Variants in CDH18 observed in about 807,000 individuals in gnomAD.
The protein encoded by CDH18 is cadherin 18, also known as cadherin-18.
Under a neutral mutation model 67.9 loss-of-function variants are expected in CDH18, and 31 were observed. The ratio of observed to expected loss-of-function variants is 0.46; its 90% CI spans 0.34 to 0.62. The LOEUF (loss-of-function observed/expected upper bound fraction) is 0.62. CDH18 is among the 20% of genes least tolerant of loss of function. CDH18 has a pLI of 0.01. For missense variants in CDH18, 890 were observed against 975.5 expected (o/e 0.91, Z 1.17); for synonymous variants, 362 against 347.2 (o/e 1.04, Z -0.48).
chr5:20,373,614 T>A (rs1743181778), intron 1 of CDH18, among the ~76,000 whole-genome samples: 1 of 151,724 alleles, frequency 6.6e-6, no homozygotes. Flanking sequence ...CATTAAAGAA[T>A]TAATTGTAGT....
chr5:20,376,503 G>GC (rs1743456698), intron 1 of CDH18, among the ~76,000 whole-genome samples: 1 of 150,264 alleles, frequency 6.7e-6, no homozygotes, highest in African/African-American at 2.5e-5. Context: ...TTTTGATTCT[G>GC]CCATGCAAGT....
chr5:20,442,416 A>G (rs1749673938), intron 1 of CDH18, among the ~76,000 whole-genome samples: 1 of 151,872 alleles, frequency 6.6e-6, no homozygotes, highest in Non-Finnish European at 1.5e-5. Context: ...TGGAAATTAT[A>G]TTTTCTTGGA....
At chr5:20,508,323 T>TTATATATATA (rs55885279) in intron 1 of CDH18, among the ~76,000 whole-genome samples, 32 of 111,190 alleles carry the variant, frequency 2.9e-4, no homozygotes, top group East Asian at 7.8e-4. Flanking sequence ...ATGACTATGA[T>TTATATATATA]TATATATATA....
At chr5:19,970,410 T>C (rs949526819) in intron 2 of CDH18, among the ~76,000 whole-genome samples, 1 of 151,652 alleles carries the variant, frequency 6.6e-6, no homozygotes, top group African/African-American at 2.4e-5. Flanking sequence ...AGGATATCCT[T>C]CTGTTCAATA....
At chr5:20,198,719 AC>A (rs1739195125) in intron 2 of CDH18, among the ~76,000 whole-genome samples, 1 of 151,974 alleles carries the variant, frequency 6.6e-6, no homozygotes. Flanking sequence ...CCTTTGGAGC[AC>A]CCCCACCCAT....
chr5:19,895,769 A>G (rs1478025359), intron 2 of CDH18, among the ~76,000 whole-genome samples: 1 of 152,176 alleles, frequency 6.6e-6, no homozygotes, highest in Non-Finnish European at 1.5e-5. Context: ...AAGGTTACAT[A>G]TTAAATGACT....
intron 2 of CDH18, among the ~76,000 whole-genome samples, chr5:20,066,019 T>C (rs1742951732): frequency 6.6e-6 from 1 of 152,034 alleles, no homozygotes; most frequent in African/African-American, 2.4e-5. Context: ...ATTAGAGATA[T>C]GTATTTTTAA....
Position 20,320,355 on chromosome 5 carries a change from C to A in CDH18, c.-579-64850G>T, listed in dbSNP as rs181044713. ...AAGACCATTTCAGCATTGTCACACA[C>A]AAAAAAAAGAACCACTGAGGTGGGT... On this transcript the variant is annotated intron_variant, in intron 1 of 14. Transcript: ENST00000507958. 4.1e-3 allele frequency among the ~76,000 whole-genome samples: 623 copies of A among 151,570 alleles called. 4 individuals are homozygous for A. Among genetic ancestry groups the A allele is most frequent in the African/African-American group, 0.014 (595 of 41,320 alleles).
chr5:19,884,133 G>A (rs907250082), intron 2 of CDH18, among the ~76,000 whole-genome samples: 2 of 152,068 alleles, frequency 1.3e-5, no homozygotes, highest in African/African-American at 4.8e-5. Context: ...TCAACTGACA[G>A]TCAATGGGAA....
In CDH18 at chr5:20,268,737, G is replaced by A. The variant is rs566179254; in HGVS notation, c.-579-13232C>T. 3.3e-3 allele frequency among the ~76,000 whole-genome samples: 507 copies of A among 152,086 alleles called. 1 individual carries two copies. Among genetic ancestry groups the A allele is most frequent in the African/African-American group, 0.012 (491 of 41,520 alleles). The stretch of plus-strand genomic sequence containing the variant: ...AGACAGACCCTATCTCAACAACAAC[G>A]AAAAAGACTTAAGCATAAGAACTGA... On this transcript the variant is annotated intron_variant, in intron 1 of 14. Transcript: ENST00000507958.
chr5:20,524,626 G>A (rs1202535469), intron 1 of CDH18, among the ~76,000 whole-genome samples: 1 of 151,960 alleles, frequency 6.6e-6, no homozygotes, highest in Admixed American at 6.6e-5. Context: ...GCATTTAGGA[G>A]GCTTACCGAT....
intron 2 of CDH18, among the ~76,000 whole-genome samples, chr5:19,864,651 A>T (rs1303792479): frequency 1.3e-5 from 2 of 152,158 alleles, no homozygotes; most frequent in Non-Finnish European, 2.9e-5. Flanking sequence ...TCCTGGTCAC[A>T]CATGTGCAAA....
chr5:19,716,275 A>C (rs1765328514), intron 5 of CDH18, among the ~76,000 whole-genome samples: 1 of 152,104 alleles, frequency 6.6e-6, no homozygotes, highest in Admixed American at 6.6e-5. Context: ...AATTAATTCG[A>C]TCAATTTATT....
At chr5:20,357,006 C>T (rs1210371251) in intron 1 of CDH18, among the ~76,000 whole-genome samples, 1 of 150,820 alleles carries the variant, frequency 6.6e-6, no homozygotes, top group Non-Finnish European at 1.5e-5. Context: ...AATATATATG[C>T]AGTAATAACT....
At chr5:20,281,888 T>C (rs1284760075) in intron 1 of CDH18, among the ~76,000 whole-genome samples, 3 of 152,176 alleles carry the variant, frequency 2.0e-5, no homozygotes, top group Admixed American at 1.3e-4. Context: ...TTTTATTTCA[T>C]TGAGCAGTGG....
intron 1 of CDH18, among the ~76,000 whole-genome samples, chr5:20,356,751 C>CTA (rs376251008): frequency 0.015 from 1,884 of 126,892 alleles, 15 homozygotes; most frequent in South Asian, 0.018. Flanking sequence ...CTCTCTCTCT[C>CTA]TCTATATATA....
intron 5 of CDH18, among the ~76,000 whole-genome samples, chr5:19,657,817 G>A (rs762568473): frequency 2.6e-5 from 4 of 152,042 alleles, no homozygotes; most frequent in Non-Finnish European, 5.9e-5. Context: ...ACTAGGTGAG[G>A]AATAGTAATT....
At chr5:19,577,335 G>A (rs1448571594) in intron 7 of CDH18, among the ~76,000 whole-genome samples, 2 of 152,014 alleles carry the variant, frequency 1.3e-5, no homozygotes, top group East Asian at 3.9e-4. Context: ...ATTATTTTCT[G>A]TCAATTAAAT....
intron 5 of CDH18, 98 bp from the exon 6 acceptor site, chr5:19,612,699 G>T: frequency 1.1e-6 from 1 of 909,866 alleles, no homozygotes; most frequent in Non-Finnish European, 1.7e-6. Flanking sequence ...TTTTAAAATA[G>T]CATATTTTTG....
Sources: allele counts gnomAD v4.1 joint callset (sites outside exome capture counted in the v4.1 genomes callset), GRCh38; gene constraint gnomAD v4.1.1; transcripts MANE v1.5; gene names NCBI Gene and HGNC (gene_info 2026-07-23, HGNC 2026-07-21).